Variants in NUP93 observed in about 807,000 individuals in gnomAD.
NUP93 encodes nucleoporin 93.
NUP93 carries 55 observed loss-of-function variants against 107.8 expected under a neutral mutation model. That is an observed-to-expected ratio of 0.51 (90% confidence interval 0.41 to 0.64). The LOEUF is 0.64. NUP93 is among the 30% of genes least tolerant of loss of function. NUP93 has a pLI of 0.00. For missense variants in NUP93, 937 were observed against 1,044.7 expected (o/e 0.90, Z 1.42); for synonymous variants, 390 against 397.5 (o/e 0.98, Z 0.22).
At chr16:56,817,856 C>T (rs192768539) in intron 5 of NUP93, among the ~76,000 whole-genome samples, 5 of 152,302 alleles carry the variant, frequency 3.3e-5, no homozygotes, top group Admixed American at 6.5e-5. Context: ...ATAGGCTGTG[C>T]ATACAACGTA....
chr16:56,766,142 C>T (rs547835208), intron 3 of NUP93, among the ~76,000 whole-genome samples: 74 of 152,236 alleles, frequency 4.9e-4, no homozygotes, highest in African/African-American at 1.6e-3. Context: ...GCATTCTGAA[C>T]GAGCGGGAAA....
At chr16:56,775,341 C>G (rs137985649) in intron 3 of NUP93, among the ~76,000 whole-genome samples, 1 of 152,204 alleles carries the variant, frequency 6.6e-6, no homozygotes, top group Non-Finnish European at 1.5e-5. Flanking sequence ...TCTAGAACTT[C>G]TGAATAATAA....
At chr16:56,813,308 A>G (rs1963354456) in intron 5 of NUP93, among the ~76,000 whole-genome samples, 1 of 152,186 alleles carries the variant, frequency 6.6e-6, no homozygotes, top group Non-Finnish European at 1.5e-5. Flanking sequence ...AGCATTTTAA[A>G]ATTTCTTATT....
At position 56,819,882 on chromosome 16, in the gene NUP93, A is replaced by G. The variant is rs190305690; in HGVS notation, c.564+1144A>G. ...GGCAGCTGAAACCCCCAGCTTCATC[A>G]CCTTCCCACACATGAGATCCCTTCC... On this transcript the variant is annotated intron_variant, in intron 6 of 21. Transcript: ENST00000308159. Among the ~76,000 whole-genome samples, 201 of 152,150 alleles carry G rather than the reference A, an allele frequency of 1.3e-3. 1 individual carries two copies. The highest frequency in any genetic ancestry group is 4.7e-3 in the African/African-American group (193 of 41,494).
At chr16:56,810,956 A>G (rs946344044) in intron 5 of NUP93, among the ~76,000 whole-genome samples, 2 of 152,194 alleles carry the variant, frequency 1.3e-5, no homozygotes, top group African/African-American at 4.8e-5. Flanking sequence ...ATATTATTGC[A>G]TGTACTTTTA....
intron 10 of NUP93, 108 bp downstream of exon 10, chr16:56,830,793 C>T (rs1963768646): frequency 9.2e-7 from 1 of 1,081,358 alleles, no homozygotes; most frequent in South Asian, 2.5e-5. Context: ...CAAGTTTCTG[C>T]TTGGGGGAAA....
At chr16:56,731,046 T>G (rs182745085) in intron 1 of NUP93, among the ~76,000 whole-genome samples, 5 of 152,290 alleles carry the variant, frequency 3.3e-5, no homozygotes, top group South Asian at 2.1e-4. Context: ...TCTTCTTTAT[T>G]TTTTTTTCTT....
Position 56,757,585 on chromosome 16 carries a change from A to AAT in NUP93, c.180-952_180-951insTA, listed in dbSNP as rs369096072. On this transcript the variant is annotated intron_variant, in intron 2 of 21. Transcript: ENST00000308159. Reference sequence around the variant, plus strand: ...GATATTAGTGCAACCTTTTCTTTAAAAAACTACCCTTGCATTGTTACATTG... The same window carrying AAT: ...GATATTAGTGCAACCTTTTCTTTAAAATAAACTACCCTTGCATTGTTACATTG... Among the ~76,000 whole-genome samples the AAT allele has an allele frequency of 3.4e-3, 523 of 152,362 alleles. 1 individual carries two copies. Among genetic ancestry groups the AAT allele is most frequent in the African/African-American group, 0.011 (466 of 41,582 alleles).
intron 5 of NUP93, among the ~76,000 whole-genome samples, chr16:56,813,126 T>C (rs1323592284): frequency 2.0e-5 from 3 of 152,220 alleles, no homozygotes; most frequent in African/African-American, 7.2e-5. Flanking sequence ...TAAGTATAGA[T>C]AATGATGGTA....
intron 5 of NUP93, among the ~76,000 whole-genome samples, chr16:56,809,602 A>G (rs1298413394): frequency 1.3e-5 from 2 of 152,136 alleles, no homozygotes; most frequent in African/African-American, 4.8e-5. Flanking sequence ...AGAGAGACAC[A>G]TAATATGCTC....
At chr16:56,831,080 G>A (rs987545841) in intron 10 of NUP93, among the ~76,000 whole-genome samples, 1 of 152,166 alleles carries the variant, frequency 6.6e-6, no homozygotes, top group East Asian at 1.9e-4. Flanking sequence ...ATGTTGTCAC[G>A]TACTTCGTAG....
chr16:56,733,288 G>A (rs1358155658), intron 1 of NUP93, among the ~76,000 whole-genome samples: 3 of 152,128 alleles, frequency 2.0e-5, no homozygotes, highest in Non-Finnish European at 4.4e-5. Flanking sequence ...GTCCCTGATG[G>A]ACTTAAGGCA....
At position 56,834,784 on chromosome 16, in the gene NUP93, T is replaced by G. The variant is rs750270632; in HGVS notation, c.1782+6T>G. 1 of 1,604,486 alleles carries G rather than the reference T, an allele frequency of 6.2e-7. No homozygotes were observed. Among genetic ancestry groups the G allele is most frequent in the African/African-American group, 1.3e-5 (1 of 74,712 alleles). ...AGAATGACGGAAGTAGAAAGGTGAG[T>G]TAAATGCATCCTTAGAGAAATGTTC... On this transcript the variant is annotated splice_donor_region_variant and intron_variant, in intron 16 of 21. Coordinates refer to ENST00000308159, the MANE Select transcript of NUP93 (RefSeq NM_014669.5).
chr16:56,810,563 T>C (rs1257614131), intron 5 of NUP93, among the ~76,000 whole-genome samples: 3 of 152,114 alleles, frequency 2.0e-5, no homozygotes, highest in Non-Finnish European at 4.4e-5. Flanking sequence ...GCCCAGAAGG[T>C]TGGGGCTGCA....
At chr16:56,736,978 CTT>C (rs1961625080) in intron 1 of NUP93, among the ~76,000 whole-genome samples, 1 of 152,182 alleles carries the variant, frequency 6.6e-6, no homozygotes, top group African/African-American at 2.4e-5. Context: ...TAAGTCAGTG[CTT>C]TGTTTCTTGC....
intron 5 of NUP93, among the ~76,000 whole-genome samples, chr16:56,811,975 A>G (rs1394244566): frequency 6.6e-6 from 1 of 152,162 alleles, no homozygotes; most frequent in Non-Finnish European, 1.5e-5. Context: ...TGATTTATAA[A>G]GTATTGTTAG....
intron 20 of NUP93, among the ~76,000 whole-genome samples, chr16:56,840,723 C>T (rs1020782009): frequency 5.9e-5 from 9 of 152,166 alleles, no homozygotes; most frequent in African/African-American, 1.9e-4. Context: ...CAGCCAGGTG[C>T]GGTGGCTCAC....
intron 16 of NUP93, among the ~76,000 whole-genome samples, chr16:56,835,889 G>A (rs1963898707): frequency 6.6e-6 from 1 of 152,132 alleles, no homozygotes; most frequent in Non-Finnish European, 1.5e-5. Context: ...AGCACTTTGG[G>A]AGGCCGAGGC....
intron 6 of NUP93, among the ~76,000 whole-genome samples, chr16:56,819,045 G>A (rs1305247340): frequency 6.6e-6 from 1 of 152,178 alleles, no homozygotes; most frequent in Non-Finnish European, 1.5e-5. Flanking sequence ...TTAGCAAATG[G>A]AGTTCCATAT....
Sources: gnomAD v4.1 joint callset for allele counts (sites outside exome capture counted in the v4.1 genomes callset) on GRCh38, gnomAD v4.1.1 for gene constraint, MANE v1.5 for transcripts, NCBI Gene and HGNC (gene_info 2026-07-23, HGNC 2026-07-21) for gene names.